The following MEIS2 variants were observed in gnomAD, a reference collection of about 807,000 sequenced individuals.
MEIS2 encodes the protein homeobox protein Meis2.
A neutral mutation model predicts 58.6 loss-of-function variants in MEIS2; 9 were observed. The ratio of observed to expected loss-of-function variants is 0.15; its 90% CI spans 0.09 to 0.27. MEIS2 has a LOEUF of 0.27. MEIS2 is among the 10% of genes least tolerant of loss of function. MEIS2 has a pLI of 1.00. For missense variants in MEIS2, 427 were observed against 635.0 expected, an observed-to-expected ratio of 0.67 and a Z score of 3.52; for synonymous variants, 221 against 228.4, an observed-to-expected ratio of 0.97 and a Z score of 0.29.
intron 7 of MEIS2, among the ~76,000 whole-genome samples, chr15:37,082,471 A>G (rs1892361527): frequency 6.6e-6 from 1 of 152,178 alleles, no homozygotes; most frequent in South Asian, 2.1e-4. Flanking sequence ...GAAGTCCATC[A>G]CTGTGACATG....
intron 9 of MEIS2, among the ~76,000 whole-genome samples, chr15:36,929,210 A>G (rs2057870089): frequency 6.6e-6 from 1 of 152,216 alleles, no homozygotes; most frequent in South Asian, 2.1e-4. Context: ...AAGACATGTT[A>G]CTTACATGTG....
At chr15:37,040,054 T>TG (rs1240254530) in intron 7 of MEIS2, among the ~76,000 whole-genome samples, 1 of 151,090 alleles carries the variant, frequency 6.6e-6, no homozygotes, top group East Asian at 2.0e-4. Context: ...GGTGTTTTTT[T>TG]TTTTTTGTTT....
At chr15:37,033,025 C>T (rs1203396778) in intron 8 of MEIS2, among the ~76,000 whole-genome samples, 1 of 152,176 alleles carries the variant, frequency 6.6e-6, no homozygotes, top group Non-Finnish European at 1.5e-5. Flanking sequence ...ATTGTTTTAA[C>T]TGTTACAGTT....
At chr15:37,071,564 C>T (rs1250452853) in intron 7 of MEIS2, among the ~76,000 whole-genome samples, 1 of 152,034 alleles carries the variant, frequency 6.6e-6, no homozygotes, top group African/African-American at 2.4e-5. Flanking sequence ...TTAAATAAAA[C>T]ATATTTATAA....
chr15:36,986,665 C>T (rs916989953), intron 8 of MEIS2, among the ~76,000 whole-genome samples: 3 of 152,152 alleles, frequency 2.0e-5, no homozygotes, highest in Non-Finnish European at 4.4e-5. Context: ...CTCAGAGGAC[C>T]GAGTCCCAAC....
At chr15:36,976,107 CAG>C (rs2059740861) in intron 8 of MEIS2, among the ~76,000 whole-genome samples, 2 of 151,808 alleles carry the variant, frequency 1.3e-5, no homozygotes, top group Non-Finnish European at 2.9e-5. Flanking sequence ...TTTTTTGAGA[CAG>C]AGTCTCGCTC....
At chr15:36,895,307 A>T in intron 10 of MEIS2, 46 bp from the exon 11 acceptor site, 1 of 1,527,274 alleles carries the variant, frequency 6.5e-7, no homozygotes, top group Non-Finnish European at 9.1e-7. Flanking sequence ...AAGAAAAGAT[A>T]TACCAAACAA....
intron 8 of MEIS2, among the ~76,000 whole-genome samples, chr15:37,005,651 G>A (rs2060895205): frequency 6.6e-6 from 1 of 152,130 alleles, no homozygotes; most frequent in South Asian, 2.1e-4. Flanking sequence ...CAGCCTCCGG[G>A]CTCAAGAGAT....
At chr15:36,916,772 A>G (rs1595717371) in intron 9 of MEIS2, among the ~76,000 whole-genome samples, 1 of 152,252 alleles carries the variant, frequency 6.6e-6, no homozygotes. Context: ...ATAATTCATA[A>G]CTTGCTTTCA....
intron 9 of MEIS2, among the ~76,000 whole-genome samples, chr15:36,933,870 A>C (rs1252765790): frequency 1.3e-5 from 2 of 152,170 alleles, no homozygotes; most frequent in East Asian, 3.9e-4. Flanking sequence ...GTGCTCTTCT[A>C]ATTGGTGCGA....
chr15:37,010,338 T>C (rs1373215138), intron 8 of MEIS2, among the ~76,000 whole-genome samples: 2 of 152,020 alleles, frequency 1.3e-5, no homozygotes, highest in Non-Finnish European at 2.9e-5. Flanking sequence ...CCGCCCATCT[T>C]GGCCTCCCAA....
At chr15:36,951,297 T>C (rs1174151447) in intron 8 of MEIS2, among the ~76,000 whole-genome samples, 1 of 152,152 alleles carries the variant, frequency 6.6e-6, no homozygotes, top group Non-Finnish European at 1.5e-5. Context: ...TTATGAAATA[T>C]GTCTATTAAA....
At chr15:36,956,188 CAA>C (rs372946912) in intron 8 of MEIS2, among the ~76,000 whole-genome samples, 1,086 of 56,672 alleles carry the variant, frequency 0.019, 13 homozygotes, top group African/African-American at 0.069. Context: ...AACTCCATCT[CAA>C]AAAAAAAAAA....
chr15:36,937,836 A>G (rs1040270705), intron 9 of MEIS2, among the ~76,000 whole-genome samples: 2 of 152,196 alleles, frequency 1.3e-5, no homozygotes, highest in African/African-American at 4.8e-5. Flanking sequence ...ACAACTATGG[A>G]AAATTGGGGG....
chr15:37,038,664 A>G (rs1020666101), intron 7 of MEIS2, among the ~76,000 whole-genome samples: 1 of 152,164 alleles, frequency 6.6e-6, no homozygotes, highest in Non-Finnish European at 1.5e-5. Flanking sequence ...GCCTTCTGTT[A>G]TGATAAGAAA....
chr15:36,962,909 T>G (rs576196485), intron 8 of MEIS2, among the ~76,000 whole-genome samples: 1 of 152,366 alleles, frequency 6.6e-6, no homozygotes, highest in South Asian at 2.1e-4. Context: ...TTTGTATGTA[T>G]GTACCATGAA....
rs202081129 is a variant in MEIS2 at position 36,911,033 on chromosome 15, C to T, written c.978-14347G>A. ...GCACTCCAGCCTGGGTGACAGAGCG[C>T]GACTCTGTCTCAAAAAAAAAAAAAA... is the stretch of plus-strand genomic sequence containing the variant. On this transcript the variant is annotated intron_variant, in intron 9 of 11. Transcript: ENST00000561208. Among the ~76,000 whole-genome samples, 461 of 132,678 alleles carry T rather than the reference C, an allele frequency of 3.5e-3. 6 individuals are homozygous for T. The East Asian group carries it at 0.039, about 11-fold the overall frequency. 87.0% of individuals were successfully genotyped at this position (132,678 alleles called of 152,430 possible).
intron 8 of MEIS2, among the ~76,000 whole-genome samples, chr15:37,021,357 G>A (rs949541105): frequency 6.6e-6 from 1 of 152,110 alleles, no homozygotes; most frequent in African/African-American, 2.4e-5. Flanking sequence ...GTTGAGAGAA[G>A]AATGTTGACT....
intron 8 of MEIS2, among the ~76,000 whole-genome samples, chr15:37,015,031 T>C (rs932506796): frequency 1.3e-5 from 2 of 152,228 alleles, no homozygotes; most frequent in African/African-American, 2.4e-5. Context: ...TGCACTGACA[T>C]TGTGGCCCAA....
Sources: allele counts gnomAD v4.1 joint callset (sites outside exome capture counted in the v4.1 genomes callset), GRCh38; gene constraint gnomAD v4.1.1; transcripts MANE v1.5; gene names NCBI Gene and HGNC (gene_info 2026-07-23, HGNC 2026-07-21).